Variants in RBM6 observed in about 807,000 individuals in gnomAD.
RBM6 encodes the protein RNA-binding protein 6.
A neutral mutation model predicts 140.4 loss-of-function variants in RBM6; 23 were observed. The ratio of observed to expected loss-of-function variants is 0.16; its 90% CI spans 0.12 to 0.23. RBM6 has a LOEUF of 0.23. Ranked by LOEUF, RBM6 falls within the 10% of genes least tolerant of loss-of-function variation. RBM6 has a pLI of 1.00. For synonymous variants in RBM6, 439 were observed against 475.6 expected (o/e 0.92, Z 1.00); for missense variants, 1,139 against 1,386.7 (o/e 0.82, Z 2.84).
intron 5 of RBM6, among the ~76,000 whole-genome samples, chr3:49,994,607 T>G (rs1330562662): frequency 1.3e-5 from 2 of 152,162 alleles, no homozygotes; most frequent in African/African-American, 4.8e-5. Context: ...TGGTGCCTTT[T>G]ATATTCAAAA....
intron 6 of RBM6, among the ~76,000 whole-genome samples, chr3:50,032,071 C>T (rs186112471): frequency 5.3e-5 from 8 of 152,302 alleles, no homozygotes; most frequent in Non-Finnish European, 1.2e-4. Context: ...AGCCACACTT[C>T]AGCTTCAAGG....
chr3:50,015,769 T>G (rs1259240681), intron 6 of RBM6, among the ~76,000 whole-genome samples: 2 of 152,288 alleles, frequency 1.3e-5, no homozygotes, highest in Non-Finnish European at 2.9e-5. Flanking sequence ...TTGTACATGT[T>G]TATGGAGTAC....
chr3:50,043,899 A>G (rs1481412951), intron 6 of RBM6, among the ~76,000 whole-genome samples: 1 of 129,104 alleles, frequency 7.7e-6, no homozygotes, highest in Non-Finnish European at 1.6e-5. Flanking sequence ...TTTTTTTTTT[A>G]AAGAGACGGA....
chr3:49,979,329 C>T (rs763164252), intron 5 of RBM6, among the ~76,000 whole-genome samples: 7 of 151,646 alleles, frequency 4.6e-5, no homozygotes, highest in Non-Finnish European at 7.4e-5. Flanking sequence ...TAGAAGTGTT[C>T]TGGAACTAGG....
chr3:50,070,043 G>A (rs1252847706), intron 18 of RBM6, among the ~76,000 whole-genome samples: 2 of 152,124 alleles, frequency 1.3e-5, no homozygotes, highest in African/African-American at 4.8e-5. Flanking sequence ...GAGTTACCAA[G>A]TGAGCTACTT....
intron 6 of RBM6, among the ~76,000 whole-genome samples, chr3:50,032,926 A>G (rs920032313): frequency 6.6e-6 from 1 of 152,098 alleles, no homozygotes. Flanking sequence ...CAGAGGTTGC[A>G]GTGAGCCGAG....
chr3:50,075,408 G>A, intron 20 of RBM6, 78 bp downstream of exon 20: 1 of 1,545,578 alleles, frequency 6.5e-7, no homozygotes, highest in South Asian at 1.2e-5. Flanking sequence ...CTAGAGTGAT[G>A]TCTTTGCCAT....
Position 50,061,950 on chromosome 3 carries a change from A to G in RBM6, c.2440-12A>G. 1 of 1,611,244 alleles carries G rather than the reference A, an allele frequency of 6.2e-7. No individual in the cohort carries two copies. The highest frequency in any genetic ancestry group is 8.5e-7 in the Non-Finnish European group (1 of 1,179,218). Reference sequence around the variant, plus strand: ...CATTCTGTAGACTTACTTGTTTCCAACTGTATCGCAGCAAGAAGTCTATGT... The same window carrying G: ...CATTCTGTAGACTTACTTGTTTCCAGCTGTATCGCAGCAAGAAGTCTATGT... On this transcript the variant is annotated splice_polypyrimidine_tract_variant and intron_variant, in intron 14 of 20. Transcript: ENST00000266022.
intron 6 of RBM6, among the ~76,000 whole-genome samples, chr3:50,038,675 C>CA (rs901937787): frequency 2.6e-5 from 4 of 151,776 alleles, no homozygotes; most frequent in Non-Finnish European, 2.9e-5. Context: ...ACTAAAAATA[C>CA]AAAAAAAATC....
At chr3:50,037,791 A>T (rs1055125455) in intron 6 of RBM6, among the ~76,000 whole-genome samples, 3 of 149,642 alleles carry the variant, frequency 2.0e-5, no homozygotes, top group Non-Finnish European at 4.4e-5. Flanking sequence ...GACATGAGCC[A>T]CCATGCGTGG....
chr3:50,064,923 T>G (rs2090065739), intron 15 of RBM6, 108 bp from the exon 16 acceptor site: 2 of 829,318 alleles, frequency 2.4e-6, no homozygotes, highest in South Asian at 1.7e-5. Flanking sequence ...CCACCTGCCT[T>G]GACCTCCCAG....
At position 50,068,782 on chromosome 3, in the gene RBM6, A is replaced by G. The variant is rs375372211; in HGVS notation, c.3018+18A>G. ...AACGAGAGGTAAACTTTGGTGACCT[A>G]TTACTCCCTTGACCTCAGCTCTTTT... On this transcript the variant is annotated intron_variant, in intron 18 of 20. Coordinates refer to ENST00000266022, the MANE Select transcript of RBM6 (RefSeq NM_005777.3). 169 of 1,607,428 alleles carry G rather than the reference A, an allele frequency of 1.1e-4. No homozygotes were observed. Among genetic ancestry groups the G allele is most frequent in the South Asian group, 6.6e-5 (6 of 90,928 alleles).
At chr3:50,041,435 A>T (rs372117698) in intron 6 of RBM6, among the ~76,000 whole-genome samples, 1 of 152,122 alleles carries the variant, frequency 6.6e-6, no homozygotes, top group Non-Finnish European at 1.5e-5. Context: ...TCCCTCTTCT[A>T]TCTCATTTTG....
chr3:50,037,885 G>T (rs1356635628), intron 6 of RBM6, among the ~76,000 whole-genome samples: 1 of 148,644 alleles, frequency 6.7e-6, no homozygotes, highest in Non-Finnish European at 1.5e-5. Context: ...GTGGTGGCAC[G>T]ATCTTGGTTC....
At position 50,048,401 on chromosome 3, in the gene RBM6, A is replaced by T. The variant is rs907189929; in HGVS notation, c.1632+82A>T. 5 of 1,546,632 alleles carry T rather than the reference A, an allele frequency of 3.2e-6. No homozygotes were observed. In the Admixed American group the frequency reaches 9.8e-5, roughly 30 times the overall value. On this transcript the variant is annotated intron_variant, in intron 7 of 20. Coordinates refer to ENST00000266022, the MANE Select transcript of RBM6 (RefSeq NM_005777.3). Reference sequence around the variant, plus strand: ...ATATCTCTAGGAAGGCTGCCTGCTAACATGCATTCCCAAGGACAAAGCTCT... The same window carrying T: ...ATATCTCTAGGAAGGCTGCCTGCTATCATGCATTCCCAAGGACAAAGCTCT...
intron 1 of RBM6, among the ~76,000 whole-genome samples, chr3:49,959,311 C>G (rs998002048): frequency 1.3e-5 from 2 of 148,822 alleles, no homozygotes; most frequent in African/African-American, 2.5e-5. Flanking sequence ...GCCTCAGCCT[C>G]GTGAGTAGCT....
In RBM6 at chr3:50,034,687, G is replaced by C. The variant is rs113887296; in HGVS notation, c.1558-13558G>C. The stretch of plus-strand genomic sequence containing the variant: ...GAGTCAGGAGAATTGCTTGAACCCG[G>C]GAGGCGGAAGTTGCAGTGAGCCGAG... On this transcript the variant is annotated intron_variant, in intron 6 of 20. Coordinates refer to ENST00000266022, the MANE Select transcript of RBM6 (RefSeq NM_005777.3). Among the ~76,000 whole-genome samples the C allele has an allele frequency of 1.9e-3, 288 of 151,882 alleles. 4 individuals are homozygous for C. The highest frequency in any genetic ancestry group is 6.7e-3 in the African/African-American group (276 of 41,418).
chr3:50,011,217 C>T (rs527451404), intron 6 of RBM6, among the ~76,000 whole-genome samples: 110 of 150,786 alleles, frequency 7.3e-4, no homozygotes, highest in African/African-American at 2.5e-3. Flanking sequence ...AATACCTTGT[C>T]TCTTAAAAAA....
chr3:50,018,332 T>G (rs2108786517), intron 6 of RBM6, among the ~76,000 whole-genome samples: 1 of 152,338 alleles, frequency 6.6e-6, no homozygotes, highest in South Asian at 2.1e-4. Context: ...CTATGTAGTC[T>G]CATTCCTCTA....
Sources: gnomAD v4.1 joint callset for allele counts (sites outside exome capture counted in the v4.1 genomes callset) on GRCh38, gnomAD v4.1.1 for gene constraint, MANE v1.5 for transcripts, NCBI Gene and HGNC (gene_info 2026-07-23, HGNC 2026-07-21) for gene names.